Variants in PRKAG2 observed in about 807,000 individuals in gnomAD.
The protein encoded by PRKAG2 is protein kinase AMP-activated non-catalytic subunit gamma 2.
A neutral mutation model predicts 69.6 loss-of-function variants in PRKAG2; 26 were observed. That is an observed-to-expected ratio of 0.37 (90% CI 0.27 to 0.52). PRKAG2 has a LOEUF of 0.52. Among genes scored for constraint, PRKAG2 ranks in the 20% least tolerant of loss-of-function variants. PRKAG2 has a pLI of 0.90. For missense variants in PRKAG2, 557 were observed against 740.0 expected (o/e 0.75, Z 2.87); for synonymous variants, 293 against 285.0 (o/e 1.03, Z -0.28).
At chr7:151,829,995 G>C (rs1352139620) in intron 1 of PRKAG2, among the ~76,000 whole-genome samples, 4 of 151,876 alleles carry the variant, frequency 2.6e-5, no homozygotes, top group Non-Finnish European at 5.9e-5. Flanking sequence ...TGTCAGCTGG[G>C]GAGGGGCCTG....
At chr7:151,658,719 A>T (rs914697783) in intron 4 of PRKAG2, among the ~76,000 whole-genome samples, 5 of 152,198 alleles carry the variant, frequency 3.3e-5, no homozygotes, top group Non-Finnish European at 5.9e-5. Flanking sequence ...TTATAAGATG[A>T]TTTTAAACTA....
chr7:151,661,367 G>A (rs1860733), intron 4 of PRKAG2, among the ~76,000 whole-genome samples: 92,806 of 151,968 alleles, frequency 0.61, 28,569 homozygotes, highest in African/African-American at 0.67. Flanking sequence ...TGGTAGAGAC[G>A]GGATTTCACC....
intron 3 of PRKAG2, among the ~76,000 whole-genome samples, chr7:151,680,239 C>CGACTGTACTAAG (rs1833641293): frequency 6.6e-6 from 1 of 152,138 alleles, no homozygotes; most frequent in Admixed American, 6.5e-5. Flanking sequence ...TGCTAAGTGT[C>CGACTGTACTAAG]GACTGTACTA....
intron 5 of PRKAG2, among the ~76,000 whole-genome samples, chr7:151,620,915 C>T (rs969550823): frequency 2.8e-4 from 42 of 151,742 alleles, no homozygotes; most frequent in African/African-American, 8.9e-4. Flanking sequence ...TGGGATTACC[C>T]GATCCACCCA....
chr7:151,581,433 T>C (rs1325044199), intron 6 of PRKAG2, among the ~76,000 whole-genome samples: 1 of 152,196 alleles, frequency 6.6e-6, no homozygotes, highest in Non-Finnish European at 1.5e-5. Flanking sequence ...AAACCATAGA[T>C]GAGACCACGT....
In PRKAG2 at chr7:151,835,596, G is replaced by A. The variant is rs116184618; in HGVS notation, c.114+40911C>T. ...TAAGCCTGGGAGCCTTCCTAAAGGC[G>A]TAAGCTCGCCTTTAGGAACCACTCT... On this transcript the variant is annotated intron_variant, in intron 1 of 15. Transcript: ENST00000287878. This position sits in a 1 kb window ranked among gnomAD's most constrained non-coding sequence, Gnocchi z 4.1. Among the ~76,000 whole-genome samples the A allele has an allele frequency of 2.7e-3, 416 of 152,276 alleles. No individual in the cohort carries two copies. The highest frequency in any genetic ancestry group is 9.6e-3 in the African/African-American group (398 of 41,564).
chr7:151,862,266 T>C (rs1021199294), intron 1 of PRKAG2, among the ~76,000 whole-genome samples: 1 of 151,822 alleles, frequency 6.6e-6, no homozygotes, highest in African/African-American at 2.4e-5. Context: ...AAAAAACAAA[T>C]AACACAGTAA....
At chr7:151,691,548 G>A (rs1183486457) in intron 3 of PRKAG2, among the ~76,000 whole-genome samples, 1 of 149,192 alleles carries the variant, frequency 6.7e-6, no homozygotes, top group African/African-American at 2.5e-5. Context: ...ATATACAGAT[G>A]ACAAATAATG....
At chr7:151,819,180 C>T (rs2078714016) in intron 1 of PRKAG2, among the ~76,000 whole-genome samples, 1 of 152,216 alleles carries the variant, frequency 6.6e-6, no homozygotes, top group Non-Finnish European at 1.5e-5. Flanking sequence ...TCTTCATCCT[C>T]CACCTCCGAG....
At chr7:151,812,159 C>A (rs2078453878) in intron 1 of PRKAG2, among the ~76,000 whole-genome samples, 1 of 152,080 alleles carries the variant, frequency 6.6e-6, no homozygotes, top group Non-Finnish European at 1.5e-5. Context: ...AAATTAAGAC[C>A]CCTACCTGAC....
intron 3 of PRKAG2, among the ~76,000 whole-genome samples, chr7:151,687,879 G>A (rs967893800): frequency 5.9e-5 from 9 of 152,264 alleles, no homozygotes; most frequent in Non-Finnish European, 1.0e-4. Context: ...GGTCAGAGGT[G>A]TATCTGCCTT....
intron 3 of PRKAG2, among the ~76,000 whole-genome samples, chr7:151,703,856 AC>A: frequency 1.3e-5 from 1 of 76,432 alleles, no homozygotes; most frequent in South Asian, 4.2e-4. Context: ...ACACACACAC[AC>A]ACACACACAC....
chr7:151,846,157 C>T (rs1468012019), intron 1 of PRKAG2, among the ~76,000 whole-genome samples: 1 of 152,168 alleles, frequency 6.6e-6, no homozygotes, highest in Non-Finnish European at 1.5e-5. Flanking sequence ...TCCATTTCTT[C>T]TAGTCTTAGA....
At chr7:151,595,089 C>A (rs1814134681) in intron 6 of PRKAG2, among the ~76,000 whole-genome samples, 1 of 152,176 alleles carries the variant, frequency 6.6e-6, no homozygotes, top group African/African-American at 2.4e-5. Context: ...TGAGCCACTG[C>A]ACCTGGCCAA....
At chr7:151,571,503 C>G (rs1467776572) in intron 9 of PRKAG2, among the ~76,000 whole-genome samples, 5 of 152,220 alleles carry the variant, frequency 3.3e-5, no homozygotes, top group Non-Finnish European at 5.9e-5. Context: ...GCCACCGCAC[C>G]TGGCCTTGCT....
chr7:151,705,910 C>T (rs1055930371), intron 3 of PRKAG2, among the ~76,000 whole-genome samples: 6 of 152,104 alleles, frequency 3.9e-5, no homozygotes, highest in African/African-American at 7.2e-5. Flanking sequence ...GATTTCACAT[C>T]CCCCCGCCCC....
chr7:151,632,141 GA>G lies in PRKAG2; in HGVS notation c.685-4del. ...CCCAGGGCCGCCGCCAGCGCCGCCT[GA>G]GGGGGAGGAGGAGGACAGCGATCAG... On this transcript the variant is annotated splice_region_variant and splice_polypyrimidine_tract_variant and intron_variant, in intron 4 of 15. Coordinates refer to ENST00000287878, the MANE Select transcript of PRKAG2 (RefSeq NM_016203.4). This position sits in a 1 kb window ranked among gnomAD's most constrained non-coding sequence, Gnocchi z 4.2. 1 of 1,395,126 alleles carries G rather than the reference GA, an allele frequency of 7.2e-7. No homozygotes were observed. The highest frequency in any genetic ancestry group is 1.4e-5 in the South Asian group (1 of 68,990). The allele number at this position is 1,395,126 out of a possible 1,614,324, so 86.4% of individuals were successfully genotyped here.
chr7:151,641,874 A>G (rs568099117), intron 4 of PRKAG2, among the ~76,000 whole-genome samples: 1 of 152,012 alleles, frequency 6.6e-6, no homozygotes, highest in Non-Finnish European at 1.5e-5. Context: ...TTTGAAAAAA[A>G]TCTCAAATAT....
At chr7:151,584,435 A>C (rs992979924) in intron 6 of PRKAG2, among the ~76,000 whole-genome samples, 1 of 152,152 alleles carries the variant, frequency 6.6e-6, no homozygotes, top group Admixed American at 6.5e-5. Context: ...CTGAAGTCAC[A>C]CAAGTCCCAG....
Sources: gnomAD v4.1 joint callset for allele counts (sites outside exome capture counted in the v4.1 genomes callset) on GRCh38, gnomAD v4.1.1 for gene constraint, Gnocchi (gnomAD v3.1) non-coding constraint, MANE v1.5 for transcripts, NCBI Gene and HGNC (gene_info 2026-07-23, HGNC 2026-07-21) for gene names.